LMAN2L: variants seen among roughly 807,000 people sequenced by gnomAD.
LMAN2L encodes VIP36-like protein.
In LMAN2L, 30 loss-of-function variants were observed where a neutral mutation model predicts 44.3. The ratio of observed to expected loss-of-function variants is 0.68; its 90% CI spans 0.51 to 0.92. LMAN2L has a LOEUF of 0.92. Ranked by LOEUF, LMAN2L falls within the 40% of genes least tolerant of loss-of-function variation. The pLI is 0.00. For synonymous variants in LMAN2L, 183 were observed against 171.1 expected (o/e 1.07, Z -0.54); for missense variants, 429 against 446.1 (o/e 0.96, Z 0.35).
At position 96,723,787 on chromosome 2, in the gene LMAN2L, T is replaced by C. The variant is rs186104660; in HGVS notation, c.507+9732A>G. On this transcript the variant is annotated intron_variant, in intron 4 of 7. Coordinates refer to ENST00000264963, the MANE Select transcript of LMAN2L (RefSeq NM_030805.4). ...TGATTCTTTCCCCATTGAATTATCT[T>C]GTGGAAAATTAATTGATTAGACCGG... Among the ~76,000 whole-genome samples the C allele has an allele frequency of 3.3e-5, 5 of 152,274 alleles. No homozygotes were observed. In the East Asian group the frequency reaches 9.6e-4, roughly 29 times the overall value.
rs1340511574 is a variant in LMAN2L, at chr2:96,707,738, C to T, written c.880G>A (p.Val294Met). 1.9e-6 allele frequency: 3 copies of T among 1,614,176 alleles called. No individual in the cohort carries two copies. The highest frequency in any genetic ancestry group is 1.1e-5 in the South Asian group (1 of 91,080). ...KLHRDVFLPS[V>M]DNMKLPEMTA... is the part of the protein sequence containing the mutation. Reference sequence around the variant, plus strand: ...CTCTCAGGCAGCTTCATATTGTCCACTGAGGGCAAGAACACATCTCGATGG... The same window carrying T: ...CTCTCAGGCAGCTTCATATTGTCCATTGAGGGCAAGAACACATCTCGATGG... Residue 294 changes from valine to methionine, a missense_variant, in exon 7 of 8, where the codon GTG becomes ATG. Val to Met is a conservative substitution (Grantham distance 21). Coordinates refer to ENST00000264963, the MANE Select transcript of LMAN2L (RefSeq NM_030805.4).
chr2:96,738,253 G>A (rs1384524912), intron 1 of LMAN2L, among the ~76,000 whole-genome samples, 186 bp from the exon 2 acceptor site: 9 of 152,070 alleles, frequency 5.9e-5, no homozygotes, highest in Admixed American at 3.3e-4. Context: ...ATCAGGTAAG[G>A]ACCCCAAAGC....
chr2:96,711,718 G>A lies in LMAN2L; in HGVS notation c.722C>T (p.Pro241Leu). The change falls in exon 6 of 8, where the codon CCC (proline) becomes CTC (leucine). Residue 241 changes from proline (P) to leucine (L), a missense_variant. By Grantham distance (98) the Pro-to-Leu change is moderately conservative. Transcript: ENST00000264963. ...KHEWRDCIEV[P>L]GVRLPRGYYF... The stretch of plus-strand genomic sequence containing the variant: ...GTAGCCGCGGGGCAGGCGGACTCCG[G>A]GCACTTCAATGCAGTCCCTCCACTC... 1.2e-6 allele frequency: 2 copies of A among 1,614,142 alleles called. No homozygotes were observed. Among genetic ancestry groups the A allele is most frequent in the Non-Finnish European group, 1.7e-6 (2 of 1,179,996 alleles).
chr2:96,735,136 A>G (rs559381270), intron 2 of LMAN2L, among the ~76,000 whole-genome samples: 1 of 152,344 alleles, frequency 6.6e-6, no homozygotes, highest in African/African-American at 2.4e-5. Flanking sequence ...CCTCCCGTCC[A>G]TGGCCAAGAA....
At chr2:96,736,863 T>C (rs2078526868) in intron 2 of LMAN2L, among the ~76,000 whole-genome samples, 1 of 152,208 alleles carries the variant, frequency 6.6e-6, no homozygotes, top group African/African-American at 2.4e-5. Flanking sequence ...TGTCCAAAAA[T>C]GAGCTCGGCA....
intron 4 of LMAN2L, among the ~76,000 whole-genome samples, chr2:96,732,249 T>A (rs1026721989): frequency 6.8e-6 from 1 of 146,426 alleles, no homozygotes; most frequent in African/African-American, 2.7e-5. Context: ...ATTTCCTCGC[T>A]AGGTACTTAG....
chr2:96,728,669 G>C (rs6576981), intron 4 of LMAN2L, among the ~76,000 whole-genome samples: 19,414 of 151,880 alleles, frequency 0.13, 2,011 homozygotes, highest in African/African-American at 0.28. Flanking sequence ...GCAGTGAAAC[G>C]CCGCCTCTAC....
rs2077931769 is a variant in LMAN2L at position 96,711,952 on chromosome 2, G to A, written c.581C>T (p.Pro194Leu). 1 of 1,614,070 alleles carries A rather than the reference G, an allele frequency of 6.2e-7. No individual in the cohort carries two copies. The highest frequency in any genetic ancestry group is 1.3e-5 in the African/African-American group (1 of 74,908). The part of the protein sequence containing the change: ...LSYDHERDGR[P>L]TELGGCTAIV... The stretch of plus-strand genomic sequence containing the variant: ...GGCTGTGCAGCCTCCCAGCTCTGTA[G>A]GCCGCCCATCCCGCTCATGATCATA... Residue 194 changes from proline (P) to leucine (L), a missense_variant, in exon 5 of 8, where the codon CCT (proline) becomes CTT (leucine). Physicochemically the swap from Pro to Leu is moderately conservative, Grantham distance 98. Transcript: ENST00000264963.
In LMAN2L at chr2:96,737,948, C is replaced by A; in HGVS notation, c.306+1G>T. On this transcript the variant is annotated splice_donor_variant, in intron 2 of 7. Transcript: ENST00000264963. LOFTEE classifies it high-confidence loss of function. The stretch of plus-strand genomic sequence containing the variant: ...AACACAGGAGGGAGAAAGATTCTTA[C>A]CACCCGGTTCCACAAGGCACCCTGT... The A allele has an allele frequency of 6.2e-7, 1 of 1,600,632 alleles. No individual in the cohort carries two copies. The highest frequency in any genetic ancestry group is 1.1e-5 in the South Asian group (1 of 90,814).
At chr2:96,719,075 A>G (rs1401072510) in intron 4 of LMAN2L, among the ~76,000 whole-genome samples, 1 of 152,180 alleles carries the variant, frequency 6.6e-6, no homozygotes, top group Admixed American at 6.5e-5. Flanking sequence ...ACCCACCCAG[A>G]TTACAAGTAC....
intron 4 of LMAN2L, among the ~76,000 whole-genome samples, chr2:96,725,275 T>G (rs1444847420): frequency 2.0e-5 from 3 of 151,792 alleles, no homozygotes; most frequent in East Asian, 3.9e-4. Flanking sequence ...CCTAATTTTA[T>G]TTTTTGTAGA....
chr2:96,717,559 GC>G (rs1328742516), intron 4 of LMAN2L, among the ~76,000 whole-genome samples: 3 of 150,044 alleles, frequency 2.0e-5, no homozygotes, highest in African/African-American at 7.4e-5. Flanking sequence ...AAAAAGGACG[GC>G]CAGGCGCAGT....
At chr2:96,708,773 T>C (rs1055134290) in intron 6 of LMAN2L, among the ~76,000 whole-genome samples, 15 of 152,182 alleles carry the variant, frequency 9.9e-5, no homozygotes, top group African/African-American at 3.4e-4. Context: ...CTTCTTGTAC[T>C]TGTGACTCTT....
chr2:96,727,284 GT>G (rs2078291551), intron 4 of LMAN2L, among the ~76,000 whole-genome samples: 1 of 152,028 alleles, frequency 6.6e-6, no homozygotes, highest in South Asian at 2.1e-4. Context: ...ATTATATGTT[GT>G]TTGTCCTTTA....
At chr2:96,733,484 G>A (rs1351390479) in intron 4 of LMAN2L, 35 bp downstream of exon 4, 4 of 1,499,274 alleles carry the variant, frequency 2.7e-6, no homozygotes, top group Non-Finnish European at 3.7e-6. Context: ...TGTGATGTCA[G>A]TGTAGCTGAC....
In LMAN2L at chr2:96,738,105, A is replaced by G. The variant is rs777905183; in HGVS notation, c.188-38T>C. 8 of 1,423,576 alleles carry G rather than the reference A, an allele frequency of 5.6e-6. No homozygotes were observed. The East Asian group carries it at 1.8e-4, about 33-fold the overall frequency. The allele number at this position is 1,423,576 out of a possible 1,614,324, so 88.2% of individuals were successfully genotyped here. ...AGTAGATCAGTTCATACTTTTCAAC[A>G]CCAATCCATTCAGAAAGCAGCCACC... On this transcript the variant is annotated intron_variant, in intron 1 of 7. Transcript: ENST00000264963.
At position 96,712,045 on chromosome 2, in the gene LMAN2L, A is replaced by T. The variant is rs1356889998; in HGVS notation, c.508-20T>A. 1.2e-6 allele frequency: 2 copies of T among 1,613,312 alleles called. No homozygotes were observed. The highest frequency in any genetic ancestry group is 2.7e-5 in the African/African-American group (2 of 74,870). On this transcript the variant is annotated intron_variant, in intron 4 of 7. Coordinates refer to ENST00000264963, the MANE Select transcript of LMAN2L (RefSeq NM_030805.4). ...TACCCGCTGGAAAGCAGAGAGGGGG[A>T]AGCAGACACTAAGGAAGAGCACATA...
At chr2:96,716,780 G>A (rs2078047640) in intron 4 of LMAN2L, among the ~76,000 whole-genome samples, 1 of 152,182 alleles carries the variant, frequency 6.6e-6, no homozygotes, top group Admixed American at 6.5e-5. Flanking sequence ...TGGCTCCAGA[G>A]CCCTGACTCA....
Position 96,707,039 on chromosome 2 carries a change from T to C in LMAN2L, c.*217A>G, listed in dbSNP as rs974490029. ...CAGGGAAAGGCACATCACAGCAGCATTGCCCTGGGGTGGGTGGCTTCCCAG... is the reference window on the plus strand; with the variant it reads ...CAGGGAAAGGCACATCACAGCAGCACTGCCCTGGGGTGGGTGGCTTCCCAG... On this transcript the variant is annotated 3_prime_UTR_variant, in exon 8 of 8. Coordinates refer to ENST00000264963, the MANE Select transcript of LMAN2L (RefSeq NM_030805.4). 4 of 428,626 alleles carry C rather than the reference T, an allele frequency of 9.3e-6. No homozygotes were observed. The highest frequency in any genetic ancestry group is 1.7e-5 in the Non-Finnish European group (4 of 241,460). The allele number at this position is 428,626 out of a possible 1,614,324, so 26.6% of individuals were successfully genotyped here.
Sources: gnomAD v4.1 joint callset for allele counts (sites outside exome capture counted in the v4.1 genomes callset) on GRCh38, gnomAD v4.1.1 for gene constraint, MANE v1.5 for transcripts, NCBI Gene and HGNC (gene_info 2026-07-23, HGNC 2026-07-21) for gene names.